The following MAP2 variants were observed in gnomAD, a reference collection of about 807,000 sequenced individuals.
MAP2 encodes microtubule-associated protein 2.
A neutral mutation model predicts 137.6 loss-of-function variants in MAP2; 14 were observed. That is an observed-to-expected ratio of 0.10 (90% CI 0.07 to 0.16). MAP2 has a LOEUF of 0.16. Among genes scored for constraint, MAP2 ranks in the 10% least tolerant of loss-of-function variants. The pLI is 1.00. For synonymous variants in MAP2, 786 were observed against 782.3 expected (o/e 1.00, Z -0.08); for missense variants, 2,088 against 2,191.5 (o/e 0.95, Z 0.94).
At position 209,565,459 on chromosome 2, in the gene MAP2, A is replaced by G. The variant is rs570229981; in HGVS notation, c.-171-14577A>G. On this transcript the variant is annotated intron_variant, in intron 2 of 15. Transcript: ENST00000682079. Reference sequence around the variant, plus strand: ...GGTTTTGAACTCCTGGGCTCAAGCGATCCTCCCACTTCGGTCTCCCAAAGT... The same window carrying G: ...GGTTTTGAACTCCTGGGCTCAAGCGGTCCTCCCACTTCGGTCTCCCAAAGT... Among the ~76,000 whole-genome samples, 12 of 152,068 alleles carry G rather than the reference A, an allele frequency of 7.9e-5. No homozygotes were observed. The South Asian group carries it at 2.5e-3, about 32-fold the overall frequency.
chr2:209,703,773 A>G (rs1007280707), intron 11 of MAP2, among the ~76,000 whole-genome samples: 3 of 152,036 alleles, frequency 2.0e-5, no homozygotes, highest in Middle Eastern at 3.2e-3. Context: ...CTGTCCTTCT[A>G]TCTATCCACC....
chr2:209,592,534 A>G (rs2079545261), intron 3 of MAP2, among the ~76,000 whole-genome samples: 2 of 152,186 alleles, frequency 1.3e-5, no homozygotes, highest in South Asian at 4.1e-4. Context: ...TTCACATGGT[A>G]CTTATACTTG....
intron 7 of MAP2, among the ~76,000 whole-genome samples, chr2:209,686,208 G>C (rs1393181426): frequency 1.3e-5 from 2 of 152,172 alleles, no homozygotes; most frequent in African/African-American, 4.8e-5. Flanking sequence ...GTTATTTTAG[G>C]CTTCTGCTAT....
chr2:209,564,583 A>AAT (rs2072980176), intron 2 of MAP2, among the ~76,000 whole-genome samples: 1 of 143,518 alleles, frequency 7.0e-6, no homozygotes, highest in African/African-American at 2.7e-5. Flanking sequence ...AAAAAAAAAA[A>AAT]CCAAAAGCCA....
Position 209,601,077 on chromosome 2 carries a change from A to G in MAP2, c.-107+20977A>G, listed in dbSNP as rs547361714. ...TTTCTCACCAGTAAATTTCAATAAT[A>G]CTTACCTCATAGACTTGTGAAGAAT... On this transcript the variant is annotated intron_variant, in intron 3 of 15. Transcript: ENST00000682079. Among the ~76,000 whole-genome samples, 25 of 152,300 alleles carry G rather than the reference A, an allele frequency of 1.6e-4. No individual in the cohort carries two copies. The East Asian group carries it at 2.1e-3, about 13-fold the overall frequency.
intron 1 of MAP2, among the ~76,000 whole-genome samples, chr2:209,506,631 C>T (rs1438117978): frequency 1.3e-5 from 2 of 152,158 alleles, no homozygotes; most frequent in Non-Finnish European, 2.9e-5. Flanking sequence ...CCCTGGTTTA[C>T]CTTCTTTATA....
rs375700439 is a variant in MAP2 at position 209,694,905 on chromosome 2, T to C, written c.2735T>C (p.Leu912Pro). The change falls in exon 8 of 16, where the codon CTT (leucine) becomes CCT (proline). Residue 912 changes from leucine to proline, a missense_variant. This residue lies in a region of MAP2 where 500 missense variants were observed against 482.9 expected (regional missense o/e 1.04). Transcript: ENST00000682079. ...DKVRRDLATD[L>P]SLIEVKLAAA... ...GTTCGAAGAGATTTGGCCACAGACC[T>C]TTCACTGATTGAAGTGAAACTGGCA... is the stretch of plus-strand genomic sequence containing the variant. 2.5e-6 allele frequency: 4 copies of C among 1,614,060 alleles called. No homozygotes were observed. In the African/African-American group the frequency reaches 4.0e-5, roughly 16 times the overall value.
chr2:209,634,061 A>T (rs954613441), intron 4 of MAP2, among the ~76,000 whole-genome samples: 15 of 152,188 alleles, frequency 9.9e-5, no homozygotes, highest in Admixed American at 7.9e-4. Flanking sequence ...TCTTTGCTCC[A>T]GCCACACCGG....
Position 209,705,773 on chromosome 2 carries a change from C to A in MAP2, c.4732+46C>A, listed in dbSNP as rs769061581. 2.6e-6 allele frequency: 4 copies of A among 1,511,878 alleles called. No homozygotes were observed. In the African/African-American group the frequency reaches 4.2e-5, roughly 16 times the overall value. The allele number at this position is 1,511,878 out of a possible 1,614,324, so 93.7% of individuals were successfully genotyped here. The stretch of plus-strand genomic sequence containing the variant: ...ATTCCTTTTTAAGCACTTTTTAAAT[C>A]CTTTAAGTGGAATAGCACTTATATT... On this transcript the variant is annotated intron_variant, in intron 12 of 15. Transcript: ENST00000682079.
intron 1 of MAP2, among the ~76,000 whole-genome samples, chr2:209,434,852 A>ATATATATATGTTATATATATGT (rs1229628172): frequency 1.6e-4 from 15 of 95,282 alleles, no homozygotes; most frequent in South Asian, 8.8e-4. Flanking sequence ...TATATATGTT[A>ATATATATATGTTATATATATGT]TATATATATG....
chr2:209,593,820 ACAT>A (rs1398311730), intron 3 of MAP2, among the ~76,000 whole-genome samples: 2 of 91,368 alleles, frequency 2.2e-5, no homozygotes, highest in South Asian at 3.3e-4. Flanking sequence ...ATAATATAAT[ACAT>A]TATATTTATA....
intron 3 of MAP2, among the ~76,000 whole-genome samples, chr2:209,623,177 C>T (rs1383118612): frequency 6.6e-6 from 1 of 151,926 alleles, no homozygotes; most frequent in African/African-American, 2.4e-5. Context: ...CTTTGCAGGC[C>T]ATATAGTCTG....
At chr2:209,626,219 G>C (rs2092298061) in intron 4 of MAP2, among the ~76,000 whole-genome samples, 1 of 152,066 alleles carries the variant, frequency 6.6e-6, no homozygotes, top group African/African-American at 2.4e-5. Flanking sequence ...TTTGAGATCA[G>C]CCTGGCCAAC....
At chr2:209,657,580 T>C (rs1388038678) in intron 5 of MAP2, among the ~76,000 whole-genome samples, 1 of 152,236 alleles carries the variant, frequency 6.6e-6, no homozygotes, top group Admixed American at 6.5e-5. Flanking sequence ...GTGCATCTTC[T>C]TTTGAGAAGT....
At chr2:209,530,628 A>G (rs1330332916) in intron 2 of MAP2, among the ~76,000 whole-genome samples, 1 of 152,202 alleles carries the variant, frequency 6.6e-6, no homozygotes, top group African/African-American at 2.4e-5. Flanking sequence ...GCTTGAATTA[A>G]ATCATAAATT....
chr2:209,443,746 T>C (rs1434800105), intron 1 of MAP2, among the ~76,000 whole-genome samples: 1 of 151,582 alleles, frequency 6.6e-6, no homozygotes. Context: ...GCACACATCA[T>C]TGGAGTTGAG....
At chr2:209,582,113 A>G (rs1559349987) in intron 3 of MAP2, among the ~76,000 whole-genome samples, 1 of 152,106 alleles carries the variant, frequency 6.6e-6, no homozygotes, top group Non-Finnish European at 1.5e-5. Flanking sequence ...GGGTCACAGT[A>G]GGAATTCAAT....
At chr2:209,616,212 T>A (rs13382265) in intron 3 of MAP2, among the ~76,000 whole-genome samples, 9,063 of 152,252 alleles carry the variant, frequency 0.06, 625 homozygotes, top group South Asian at 0.23. Flanking sequence ...AAGCATGGCC[T>A]AGTGAGGCCC....
intron 4 of MAP2, among the ~76,000 whole-genome samples, chr2:209,647,933 T>G (rs1408079909): frequency 6.6e-6 from 1 of 152,116 alleles, no homozygotes; most frequent in Non-Finnish European, 1.5e-5. Flanking sequence ...AGCTCACCAC[T>G]CAGATTCATA....
Sources: gnomAD v4.1 joint callset for allele counts (sites outside exome capture counted in the v4.1 genomes callset) on GRCh38, gnomAD v4.1.1 for gene constraint, gnomAD v4.1.1 regional missense constraint, MANE v1.5 for transcripts, NCBI Gene and HGNC (gene_info 2026-07-23, HGNC 2026-07-21) for gene names.